ZNF704: variants seen among roughly 807,000 people sequenced by gnomAD.
The protein encoded by ZNF704 is zinc finger protein 704, also known as glucocorticoid induced gene 1.
Under a neutral mutation model 44.7 loss-of-function variants are expected in ZNF704, and 10 were observed. That is an observed-to-expected ratio of 0.22 (90% CI 0.14 to 0.38). The LOEUF (loss-of-function observed/expected upper bound fraction) is 0.38, where lower values mean the gene tolerates loss of function less well. ZNF704 is among the 10% of genes least tolerant of loss of function. The pLI is 1.00. For synonymous variants in ZNF704, 211 were observed against 207.6 expected (o/e 1.02, Z -0.14); for missense variants, 390 against 545.5 (o/e 0.71, Z 2.84).
intron 1 of ZNF704, among the ~76,000 whole-genome samples, chr8:80,829,269 G>A (rs1171017339): frequency 1.3e-5 from 2 of 152,092 alleles, no homozygotes; most frequent in Non-Finnish European, 1.5e-5. Flanking sequence ...TCCATCACTA[G>A]TCAATGCACT....
intron 2 of ZNF704, among the ~76,000 whole-genome samples, chr8:80,769,659 CTTG>C (rs1255181281): frequency 6.6e-6 from 1 of 152,184 alleles, no homozygotes; most frequent in Non-Finnish European, 1.5e-5. Flanking sequence ...CAGCCTGGAC[CTTG>C]TTGTACATAC....
chr8:80,684,444 G>A (rs1434505269), intron 4 of ZNF704, among the ~76,000 whole-genome samples: 1 of 152,164 alleles, frequency 6.6e-6, no homozygotes, highest in Non-Finnish European at 1.5e-5. Flanking sequence ...ATTGAGACGT[G>A]CAGTTGGAAA....
intron 2 of ZNF704, among the ~76,000 whole-genome samples, chr8:80,756,645 G>A (rs991933214): frequency 6.6e-6 from 1 of 152,140 alleles, no homozygotes; most frequent in African/African-American, 2.4e-5. Context: ...CTTATTAATG[G>A]TAGACCACAA....
chr8:80,687,350 G>A lies in ZNF704; in HGVS notation c.434C>T (p.Pro145Leu). ...APSDQSNPST[P>L]SPPLSADSFK... The stretch of plus-strand genomic sequence containing the variant: ...GCTGTCAGCCGAGAGCGGCGGCGAC[G>A]GCGTGGACGGGTTGGACTGGTCGCT... Residue 145 changes from proline (P) to leucine (L), a missense_variant, in exon 4 of 9, where the codon CCG becomes CTG. By Grantham distance (98) the Pro-to-Leu change is moderately conservative. Transcript: ENST00000327835. 2 of 1,609,288 alleles carry A rather than the reference G, an allele frequency of 1.2e-6. No homozygotes were observed. Among genetic ancestry groups the A allele is most frequent in the Non-Finnish European group, 8.5e-7 (1 of 1,179,662 alleles).
chr8:80,816,718 A>G (rs905299141), intron 2 of ZNF704, among the ~76,000 whole-genome samples: 2 of 152,234 alleles, frequency 1.3e-5, no homozygotes, highest in African/African-American at 4.8e-5. Flanking sequence ...TTAATGATAA[A>G]TCTTTAATTC....
rs201192552 is a variant in ZNF704, at chr8:80,751,747, TTTTG to T, written c.222-58644_222-58641del. 2.6e-3 allele frequency among the ~76,000 whole-genome samples: 389 copies of T among 152,260 alleles called. 12 individuals carry two copies. The East Asian group carries it at 0.065, about 25-fold the overall frequency. On this transcript the variant is annotated intron_variant, in intron 2 of 8. Coordinates refer to ENST00000327835, the MANE Select transcript of ZNF704 (RefSeq NM_001033723.3). ...TGACTTGAAGTCAGCCAGGATTCTT[TTTTG>T]TTTGTTTGTTTTTGAGACAGAGTTT...
intron 2 of ZNF704, among the ~76,000 whole-genome samples, chr8:80,738,530 C>T (rs895174390): frequency 2.0e-5 from 3 of 151,516 alleles, no homozygotes; most frequent in South Asian, 2.1e-4. Flanking sequence ...ACACAGCTAG[C>T]GAGACTTGGC....
At chr8:80,833,716 G>A (rs1010835108) in intron 1 of ZNF704, among the ~76,000 whole-genome samples, 1 of 152,154 alleles carries the variant, frequency 6.6e-6, no homozygotes, top group Non-Finnish European at 1.5e-5. Context: ...AGACTGGTTT[G>A]GTGGTAGTGG....
At chr8:80,729,365 G>A (rs1479612155) in intron 2 of ZNF704, among the ~76,000 whole-genome samples, 1 of 152,134 alleles carries the variant, frequency 6.6e-6, no homozygotes, top group African/African-American at 2.4e-5. Context: ...TGTTTTCTTA[G>A]CTATAAATGG....
At chr8:80,722,094 G>A (rs1409954737) in intron 2 of ZNF704, among the ~76,000 whole-genome samples, 1 of 152,110 alleles carries the variant, frequency 6.6e-6, no homozygotes, top group Non-Finnish European at 1.5e-5. Context: ...AAAAAACGTA[G>A]CTGGGAGTGG....
chr8:80,821,017 T>C (rs972721550), intron 2 of ZNF704, among the ~76,000 whole-genome samples: 2 of 152,248 alleles, frequency 1.3e-5, no homozygotes, highest in Non-Finnish European at 2.9e-5. Flanking sequence ...TGACCAAAGA[T>C]CTGTGTACAC....
chr8:80,843,971 GTATATA>G lies in ZNF704; in HGVS notation c.-21-22362_-21-22357del, dbSNP rs143495397. ...TGTATATATATGTGTATATATATGT[GTATATA>G]TATATATATATATACACATACACAC... is the stretch of plus-strand genomic sequence containing the variant. On this transcript the variant is annotated intron_variant, in intron 1 of 8. Coordinates refer to ENST00000327835, the MANE Select transcript of ZNF704 (RefSeq NM_001033723.3). Among the ~76,000 whole-genome samples, 571 of 143,292 alleles carry G rather than the reference GTATATA, an allele frequency of 4.0e-3. 2 individuals are homozygous for G. Among genetic ancestry groups the G allele is most frequent in the African/African-American group, 0.013 (533 of 39,664 alleles). The allele number at this position is 143,292 out of a possible 152,430, so 94.0% of individuals were successfully genotyped here. A position where few individuals can be genotyped will look rare whatever the true frequency, so the allele number is the denominator to read the frequency against.
intron 2 of ZNF704, among the ~76,000 whole-genome samples, chr8:80,754,636 C>G (rs1208471729): frequency 6.6e-6 from 1 of 152,174 alleles, no homozygotes; most frequent in Non-Finnish European, 1.5e-5. Context: ...AAAAACCATT[C>G]TCATTGCTCA....
intron 2 of ZNF704, among the ~76,000 whole-genome samples, chr8:80,780,935 T>C (rs1042400670): frequency 1.5e-4 from 23 of 152,242 alleles, no homozygotes; most frequent in African/African-American, 4.8e-4. Flanking sequence ...TTCCACAAAA[T>C]AGAAAAGTTT....
At chr8:80,870,595 T>C (rs781036670) in intron 1 of ZNF704, among the ~76,000 whole-genome samples, 1 of 152,220 alleles carries the variant, frequency 6.6e-6, no homozygotes, top group East Asian at 1.9e-4. Flanking sequence ...TCTTGGCTTA[T>C]TGGACTTTAG....
At chr8:80,684,157 G>T (rs1563517822) in intron 4 of ZNF704, among the ~76,000 whole-genome samples, 1 of 152,152 alleles carries the variant, frequency 6.6e-6, no homozygotes, top group Non-Finnish European at 1.5e-5. Context: ...GGTTCTCAGG[G>T]TAGCAGAGTT....
chr8:80,688,402 TATTCGCACAGTCTCAAGC>T, intron 3 of ZNF704, among the ~76,000 whole-genome samples: 1 of 152,238 alleles, frequency 6.6e-6, no homozygotes, highest in East Asian at 1.9e-4. Context: ...TTACAAAGCT[TATTCGCACAGTCTCAAGC>T]ATTCTCACAA....
At chr8:80,686,897 G>A (rs779935173) in intron 4 of ZNF704, among the ~76,000 whole-genome samples, 2 of 152,070 alleles carry the variant, frequency 1.3e-5, no homozygotes, top group Non-Finnish European at 2.9e-5. Flanking sequence ...TAAGTCCCAC[G>A]AAGAGAGCGA....
intron 2 of ZNF704, among the ~76,000 whole-genome samples, chr8:80,780,749 C>T (rs576607571): frequency 6.6e-6 from 1 of 152,202 alleles, no homozygotes; most frequent in African/African-American, 2.4e-5. Flanking sequence ...ACAGCCACCA[C>T]AAGCTGAAAA....
Sources: allele counts gnomAD v4.1 joint callset (sites outside exome capture counted in the v4.1 genomes callset), GRCh38; gene constraint gnomAD v4.1.1; transcripts MANE v1.5; gene names NCBI Gene and HGNC (gene_info 2026-07-23, HGNC 2026-07-21).